PRKAR2A: variants seen among roughly 807,000 people sequenced by gnomAD.
PRKAR2A encodes the protein protein kinase cAMP-dependent type II regulatory subunit alpha.
A neutral mutation model predicts 51.9 loss-of-function variants in PRKAR2A; 29 were observed. The observed-to-expected ratio is 0.56, with a 90% CI of 0.42 to 0.76. PRKAR2A has a LOEUF of 0.76. PRKAR2A is among the 30% of genes least tolerant of loss of function. The probability of loss-of-function intolerance (pLI) is 0.00; values close to 1 mark genes in which losing one functional copy is unlikely to be tolerated. For missense variants in PRKAR2A, 445 were observed against 512.1 expected, an observed-to-expected ratio of 0.87 and a Z score of 1.26; for synonymous variants, 178 against 186.2, an observed-to-expected ratio of 0.96 and a Z score of 0.36.
chr3:48,781,343 T>C (rs1181408498), intron 5 of PRKAR2A, among the ~76,000 whole-genome samples: 1 of 150,468 alleles, frequency 6.6e-6, no homozygotes, highest in African/African-American at 2.4e-5. Context: ...AACCTGTATT[T>C]ACAATTTTTT....
chr3:48,829,847 G>GTGTGTATATATATATATATATATATA (rs777532795), intron 1 of PRKAR2A, among the ~76,000 whole-genome samples: 1 of 63,754 alleles, frequency 1.6e-5, no homozygotes, highest in Non-Finnish European at 2.8e-5. Context: ...ATGCGTGTGT[G>GTGTGTATATATATATATATATATATA]TATATATATA....
rs535961723 is a variant in PRKAR2A at position 48,847,730 on chromosome 3, T to C, written c.-134A>G. On this transcript the variant is annotated 5_prime_UTR_variant, in exon 1 of 11. Transcript: ENST00000265563. This position sits in a 1 kb window ranked among gnomAD's most constrained non-coding sequence, Gnocchi z 4.4. ...GCCCCGGCTCACGTCGCGCCGCTCT[T>C]TGGCCGGCTCTGCGTTTCCGGGCCG... is the stretch of plus-strand genomic sequence containing the variant. The C allele has an allele frequency of 9.5e-6, 9 of 943,814 alleles. No homozygotes were observed. The South Asian group carries it at 2.2e-4, about 23-fold the overall frequency. The allele number at this position is 943,814 out of a possible 1,614,324, so 58.5% of individuals were successfully genotyped here. A position where few individuals can be genotyped will look rare whatever the true frequency, so the allele number is the denominator to read the frequency against.
intron 5 of PRKAR2A, among the ~76,000 whole-genome samples, chr3:48,780,291 T>A (rs534449518): frequency 5.9e-5 from 9 of 151,936 alleles, no homozygotes; most frequent in African/African-American, 2.2e-4. Context: ...TTACCCTAAA[T>A]CAGCATTTAG....
intron 1 of PRKAR2A, among the ~76,000 whole-genome samples, chr3:48,829,056 G>A (rs554249638): frequency 6.9e-4 from 104 of 151,664 alleles, no homozygotes; most frequent in African/African-American, 2.5e-3. Context: ...AGCTGGTCTC[G>A]AACTTCTGAC....
At chr3:48,789,272 T>C (rs2082343644) in intron 4 of PRKAR2A, among the ~76,000 whole-genome samples, 1 of 152,106 alleles carries the variant, frequency 6.6e-6, no homozygotes, top group African/African-American at 2.4e-5. Context: ...CAAGGGGATA[T>C]GTGGATGTCT....
chr3:48,834,546 G>A (rs186099837), intron 1 of PRKAR2A, among the ~76,000 whole-genome samples: 1 of 152,084 alleles, frequency 6.6e-6, no homozygotes, highest in Middle Eastern at 3.4e-3. Context: ...ACCAGCCTGG[G>A]AAACATGACA....
intron 5 of PRKAR2A, among the ~76,000 whole-genome samples, chr3:48,780,602 CA>C (rs568780150): frequency 0.013 from 664 of 49,352 alleles, 2 homozygotes; most frequent in South Asian, 0.044. Flanking sequence ...GACTCCGTCT[CA>C]AAAAAAAAAA....
rs1559646365 is a variant in PRKAR2A at position 48,829,608 on chromosome 3, G to GTGTATACGTGTGTATATACACACATAAA, written c.262+17726_262+17727insTTTATGTGTGTATATACACACGTATACA. ...TGTGTATATATACACACACATAAAT[G>GTGTATACGTGTGTATATACACACATAAA]TGTGTGTGTATACGTGTGTATACAC... On this transcript the variant is annotated intron_variant, in intron 1 of 10. Transcript: ENST00000265563. 4.2e-3 allele frequency among the ~76,000 whole-genome samples: 52 copies of GTGTATACGTGTGTATATACACACATAAA among 12,420 alleles called. 9 individuals are homozygous for GTGTATACGTGTGTATATACACACATAAA. The highest frequency in any genetic ancestry group is 0.035 in the African/African-American group (50 of 1,436). 8.1% of individuals were successfully genotyped at this position (12,420 alleles called of 152,430 possible).
At chr3:48,808,032 C>G (rs1367925126) in intron 1 of PRKAR2A, among the ~76,000 whole-genome samples, 1 of 145,150 alleles carries the variant, frequency 6.9e-6, no homozygotes, top group Non-Finnish European at 1.5e-5. Flanking sequence ...GTGAAATTTT[C>G]TTTTTTTCTT....
intron 1 of PRKAR2A, among the ~76,000 whole-genome samples, chr3:48,813,646 A>G (rs2082819242): frequency 6.6e-6 from 1 of 152,170 alleles, no homozygotes; most frequent in African/African-American, 2.4e-5. Context: ...GTGAGCCGAG[A>G]TTGTGCCACT....
chr3:48,762,573 T>C (rs543283478), intron 8 of PRKAR2A, among the ~76,000 whole-genome samples: 45 of 152,166 alleles, frequency 3.0e-4, no homozygotes, highest in Non-Finnish European at 5.4e-4. Flanking sequence ...AGGCAGAGGT[T>C]GCAGTGAGCT....
At chr3:48,772,908 G>C (rs748240054) in intron 6 of PRKAR2A, 47 bp downstream of exon 6, 3 of 1,547,234 alleles carry the variant, frequency 1.9e-6, no homozygotes, top group Non-Finnish European at 2.6e-6. Context: ...GACACAGAAA[G>C]GGAATTAATA....
rs769095958 is a variant in PRKAR2A at position 48,747,365 on chromosome 3, T to C, written c.*4220A>G. The stretch of plus-strand genomic sequence containing the variant: ...TCTTTCTGAATTAGAGGGTAGCTTG[T>C]ACACTGTGACATGACATGAAATGCT... On this transcript the variant is annotated 3_prime_UTR_variant, in exon 11 of 11. Coordinates refer to ENST00000265563, the MANE Select transcript of PRKAR2A (RefSeq NM_004157.4). 4.6e-5 allele frequency: 7 copies of C among 152,228 alleles called. No individual in the cohort carries two copies. The highest frequency in any genetic ancestry group is 1.2e-4 in the African/African-American group (5 of 41,462). The allele number at this position is 152,228 out of a possible 1,614,324, so 9.4% of individuals were successfully genotyped here. A position where few individuals can be genotyped will look rare whatever the true frequency, so the allele number is the denominator to read the frequency against.
At chr3:48,794,118 G>C in intron 2 of PRKAR2A, 69 bp from the exon 3 acceptor site, 2 of 1,197,370 alleles carry the variant, frequency 1.7e-6, no homozygotes, top group Non-Finnish European at 2.4e-6. Flanking sequence ...AAAATAGGAA[G>C]TGAACTCAAT....
chr3:48,843,801 G>A (rs1299670834), intron 1 of PRKAR2A, among the ~76,000 whole-genome samples: 7 of 151,902 alleles, frequency 4.6e-5, no homozygotes, highest in Non-Finnish European at 1.0e-4. Context: ...AGCTGAAACT[G>A]GATCCCTTCC....
chr3:48,765,382 G>C (rs747323771), intron 6 of PRKAR2A, 33 bp from the exon 7 acceptor site: 1 of 1,442,158 alleles, frequency 6.9e-7, no homozygotes, highest in Admixed American at 2.0e-5. Flanking sequence ...TCTAGTAAAT[G>C]CCTATATACA....
chr3:48,768,679 C>T (rs896916128), intron 6 of PRKAR2A, among the ~76,000 whole-genome samples: 2 of 152,012 alleles, frequency 1.3e-5, no homozygotes, highest in Admixed American at 6.6e-5. Flanking sequence ...GCCTGGGCAA[C>T]AGAGACTCCG....
intron 8 of PRKAR2A, among the ~76,000 whole-genome samples, chr3:48,763,699 G>C (rs192417786): frequency 3.4e-4 from 51 of 152,158 alleles, no homozygotes; most frequent in Admixed American, 3.3e-3. Context: ...AATTGCACTT[G>C]TTTTTTAAGC....
intron 6 of PRKAR2A, among the ~76,000 whole-genome samples, chr3:48,771,135 G>A (rs762707233): frequency 2.0e-5 from 3 of 152,090 alleles, no homozygotes; most frequent in South Asian, 2.1e-4. Flanking sequence ...TCAGGAGGCC[G>A]AGGTAGGAGA....
Sources: gnomAD v4.1 joint callset for allele counts (sites outside exome capture counted in the v4.1 genomes callset) on GRCh38, gnomAD v4.1.1 for gene constraint, Gnocchi (gnomAD v3.1) non-coding constraint, MANE v1.5 for transcripts, NCBI Gene and HGNC (gene_info 2026-07-23, HGNC 2026-07-21) for gene names.